Variants in ADAMTSL2 observed in about 807,000 individuals in gnomAD.
ADAMTSL2 encodes ADAMTS-like protein 2.
A neutral mutation model predicts 117.0 loss-of-function variants in ADAMTSL2; 55 were observed. That is an observed-to-expected ratio of 0.47 (90% CI 0.38 to 0.59). The LOEUF (loss-of-function observed/expected upper bound fraction) is 0.59. ADAMTSL2 is among the 20% of genes least tolerant of loss of function. The pLI, the probability that ADAMTSL2 is intolerant of heterozygous loss-of-function variation, is 0.00. For synonymous variants in ADAMTSL2, 572 were observed against 566.4 expected, an observed-to-expected ratio of 1.01 and a Z score of -0.14; for missense variants, 1,182 against 1,354.5, an observed-to-expected ratio of 0.87 and a Z score of 2.00.
At chr9:133,555,344 G>A (rs1235562118) in intron 10 of ADAMTSL2, among the ~76,000 whole-genome samples, 4 of 152,192 alleles carry the variant, frequency 2.6e-5, no homozygotes, top group East Asian at 1.9e-4. Flanking sequence ...TACAGAAGTC[G>A]ATTGAATTCC....
chr9:133,536,906 C>A, intron 2 of ADAMTSL2, 104 bp downstream of exon 2: 1 of 1,550,534 alleles, frequency 6.4e-7, no homozygotes, highest in Middle Eastern at 2.3e-4. Context: ...GGGCACGTGC[C>A]CCAGGTCCCA....
intron 17 of ADAMTSL2, among the ~76,000 whole-genome samples, chr9:133,571,300 G>T (rs1588311805): frequency 6.6e-6 from 1 of 152,130 alleles, no homozygotes; most frequent in South Asian, 2.1e-4. Context: ...AGACATTGGA[G>T]GCCAGGCCTG....
intron 15 of ADAMTSL2, 39 bp downstream of exon 15, chr9:133,568,797 G>C: frequency 6.2e-7 from 1 of 1,612,436 alleles, no homozygotes; most frequent in Non-Finnish European, 8.5e-7. Context: ...CGTGCGGCTG[G>C]TGAGGGGACC....
upstream of ADAMTSL2, chr9:133,534,528 G>T (rs1456892324): frequency 1.5e-6 from 1 of 676,508 alleles, no homozygotes; most frequent in African/African-American, 1.9e-5. Flanking sequence ...GGCCGCCGCC[G>T]CCGGCAGCAG....
At chr9:133,538,315 C>T (rs1370260470) in intron 3 of ADAMTSL2, 34 bp from the exon 4 acceptor site, 2 of 1,612,576 alleles carry the variant, frequency 1.2e-6, no homozygotes, top group Admixed American at 1.7e-5. Flanking sequence ...AACTCCTCTG[C>T]AGCCCTCACT....
At position 133,573,866 on chromosome 9, in the gene ADAMTSL2, C is replaced by T. The variant is rs1219950838; in HGVS notation, c.2616C>T (p.Gly872=). ...AGTGCACCAAGACCTGCGGGGTGGG[C>T]GTGAGGATGCGAGACGTCAAGTGCT... The part of the protein sequence containing the change: ...WSECTKTCGV[G]VRMRDVKCYQ... The change falls in exon 18 of 19, where the codon GGC becomes GGT. Residue 872 remains glycine, a synonymous_variant. Transcript: ENST00000651351. 1.5e-5 allele frequency: 25 copies of T among 1,614,044 alleles called. No individual in the cohort carries two copies. The highest frequency in any genetic ancestry group is 2.0e-5 in the Non-Finnish European group (24 of 1,180,016).
intron 12 of ADAMTSL2, 137 bp downstream of exon 12, chr9:133,561,432 TGGG>T (rs1294123422): frequency 1.3e-6 from 1 of 764,240 alleles, no homozygotes; most frequent in East Asian, 2.7e-5. Context: ...CCTCCTGACT[TGGG>T]GGCAGTGTGG....
chr9:133,537,119 G>C (rs1163424823), intron 2 of ADAMTSL2, among the ~76,000 whole-genome samples: 1 of 152,180 alleles, frequency 6.6e-6, no homozygotes, highest in African/African-American at 2.4e-5. Flanking sequence ...GCTGCTCCGG[G>C]GAAAGTGAGG....
intron 13 of ADAMTSL2, among the ~76,000 whole-genome samples, chr9:133,567,728 A>G (rs1465520305): frequency 6.6e-6 from 1 of 152,236 alleles, no homozygotes; most frequent in African/African-American, 2.4e-5. Flanking sequence ...AGGTCCCCAG[A>G]ATGCTGCTAA....
chr9:133,564,405 A>G (rs1372001487), intron 12 of ADAMTSL2, among the ~76,000 whole-genome samples: 1 of 61,366 alleles, frequency 1.6e-5, no homozygotes. Flanking sequence ...AGGGAGAGAG[A>G]GAGGGAGAGA....
chr9:133,537,716 A>G (rs570673699), intron 3 of ADAMTSL2, among the ~76,000 whole-genome samples, 169 bp downstream of exon 3: 1 of 152,224 alleles, frequency 6.6e-6, no homozygotes, highest in East Asian at 1.9e-4. Context: ...GCGGCTATGG[A>G]TGGGCCCCAG....
intron 18 of ADAMTSL2, 139 bp downstream of exon 18, chr9:133,574,126 G>A: frequency 8.4e-7 from 1 of 1,187,356 alleles, no homozygotes; most frequent in Non-Finnish European, 1.2e-6. Flanking sequence ...AGCTGTGCAG[G>A]GAGTGGGGGC....
intron 9 of ADAMTSL2, among the ~76,000 whole-genome samples, chr9:133,553,853 C>T (rs1480839911): frequency 2.0e-5 from 3 of 152,148 alleles, no homozygotes; most frequent in South Asian, 2.1e-4. Flanking sequence ...AGCCCTGGAG[C>T]GGGGATGAGC....
chr9:133,538,556 G>A, intron 4 of ADAMTSL2, 132 bp downstream of exon 4: 1 of 1,060,180 alleles, frequency 9.4e-7, no homozygotes, highest in South Asian at 1.4e-5. Flanking sequence ...GAGAGCCCAG[G>A]AGCAGGGTTG....
chr9:133,554,409 T>TG lies in ADAMTSL2; in HGVS notation c.993dup (p.Gln332AlafsTer20). The TG allele has an allele frequency of 6.4e-7, 1 of 1,561,866 alleles. No homozygotes were observed. Among genetic ancestry groups the TG allele is most frequent in the Non-Finnish European group, 8.7e-7 (1 of 1,154,988 alleles). On this transcript the variant is annotated frameshift_variant, in exon 10 of 19. Coordinates refer to ENST00000651351, the MANE Select transcript of ADAMTSL2 (RefSeq NM_014694.4). LOFTEE classifies it high-confidence loss of function. This position sits in a 1 kb window ranked among gnomAD's most constrained non-coding sequence, Gnocchi z 5.2. ...TCCATCACCTTCGAGTACACGCTGC[T>TG]GCAGCCGCCACACGAGAGCCGCCCC... is the stretch of plus-strand genomic sequence containing the variant.
intron 8 of ADAMTSL2, among the ~76,000 whole-genome samples, chr9:133,545,635 C>T (rs1029792231): frequency 5.3e-5 from 8 of 152,210 alleles, no homozygotes; most frequent in Admixed American, 2.6e-4. Flanking sequence ...GTTGCTTTGT[C>T]GCTTGCTTGC....
chr9:133,545,306 T>C (rs111903832), intron 8 of ADAMTSL2, among the ~76,000 whole-genome samples: 81 of 152,260 alleles, frequency 5.3e-4, no homozygotes, highest in African/African-American at 1.8e-3. Context: ...TGGACACAGG[T>C]GCAGCCCCAA....
chr9:133,533,237 C>T (rs906319420), upstream of ADAMTSL2, among the ~76,000 whole-genome samples: 4 of 151,724 alleles, frequency 2.6e-5, no homozygotes, highest in Non-Finnish European at 5.9e-5. Flanking sequence ...TTCAGCACAG[C>T]GACCCCAGGG....
chr9:133,569,479 A>T lies in ADAMTSL2; in HGVS notation c.2316A>T (p.Val772=). The change falls in exon 16 of 19, where the codon GTA becomes GTT. Residue 772 remains valine (V), a synonymous_variant. Coordinates refer to ENST00000651351, the MANE Select transcript of ADAMTSL2 (RefSeq NM_014694.4). ...VYCKTSDGRV[V]PESQCQMETK... The stretch of plus-strand genomic sequence containing the variant: ...GCAAGACCAGCGACGGACGGGTAGT[A>T]CCTGAGTCCCAGTGCCAGATGGAGA... 1 of 1,613,354 alleles carries T rather than the reference A, an allele frequency of 6.2e-7. No individual in the cohort carries two copies. The highest frequency in any genetic ancestry group is 8.5e-7 in the Non-Finnish European group (1 of 1,179,934).
Sources: gnomAD v4.1 joint callset for allele counts (sites outside exome capture counted in the v4.1 genomes callset) on GRCh38, gnomAD v4.1.1 for gene constraint, Gnocchi (gnomAD v3.1) non-coding constraint, MANE v1.5 for transcripts, NCBI Gene and HGNC (gene_info 2026-07-23, HGNC 2026-07-21) for gene names.